The following FAM81B variants were observed in gnomAD, a reference collection of about 807,000 sequenced individuals.
FAM81B encodes family with sequence similarity 81 member B.
Under a neutral mutation model 58.7 loss-of-function variants are expected in FAM81B, and 60 were observed. The ratio of observed to expected loss-of-function variants is 1.02; its 90% CI spans 0.83 to 1.27. The LOEUF is 1.27. Ranked by LOEUF, FAM81B falls within the 50% of genes most tolerant of loss-of-function variation. FAM81B has a pLI of 0.00. For synonymous variants in FAM81B, 189 were observed against 179.6 expected (o/e 1.05, Z -0.42); for missense variants, 491 against 522.0 (o/e 0.94, Z 0.58).
At chr5:95,428,754 T>A in intron 6 of FAM81B, 22 bp downstream of exon 6, 1 of 1,613,444 alleles carries the variant, frequency 6.2e-7, no homozygotes, top group Non-Finnish European at 8.5e-7. Flanking sequence ...TAGATGGGAC[T>A]CATATTACGT....
At chr5:95,415,612 C>G (rs934947121) in intron 4 of FAM81B, among the ~76,000 whole-genome samples, 1 of 152,150 alleles carries the variant, frequency 6.6e-6, no homozygotes, top group South Asian at 2.1e-4. Context: ...TGACAAGAGG[C>G]AAGCAGCCCT....
At chr5:95,428,058 A>G (rs1762895113) in intron 5 of FAM81B, among the ~76,000 whole-genome samples, 1 of 152,238 alleles carries the variant, frequency 6.6e-6, no homozygotes, top group Admixed American at 6.5e-5. Context: ...GAGACCATTC[A>G]AGGAACAGGA....
At chr5:95,400,429 TACATACACAC>T (rs1164985462) in intron 3 of FAM81B, among the ~76,000 whole-genome samples, 10 of 98,032 alleles carry the variant, frequency 1.0e-4, no homozygotes, top group African/African-American at 3.2e-4. Flanking sequence ...CATACATACA[TACATACACAC>T]ACACACACAC....
rs111229089 is a variant in FAM81B at position 95,392,899 on chromosome 5, C to G, written c.228+2C>G. 8.7e-6 allele frequency: 14 copies of G among 1,600,250 alleles called. No individual in the cohort carries two copies. The highest frequency in any genetic ancestry group is 1.2e-5 in the Non-Finnish European group (14 of 1,173,518). On this transcript the variant is annotated splice_donor_variant, in intron 2 of 9. Coordinates refer to ENST00000283357, the MANE Select transcript of FAM81B (RefSeq NM_152548.3). LOFTEE classifies it high-confidence loss of function. ...TCAGACAATAACCAAGAAAAGAAAG[C>G]AAGTACTTTTCAATATTCACATTAA...
chr5:95,424,539 C>G (rs1490782439), intron 5 of FAM81B, among the ~76,000 whole-genome samples: 1 of 151,542 alleles, frequency 6.6e-6, no homozygotes, highest in African/African-American at 2.4e-5. Context: ...AAAAGATTTT[C>G]TCTTTAAAAT....
chr5:95,428,884 G>A, intron 6 of FAM81B, 152 bp downstream of exon 6: 1 of 1,025,646 alleles, frequency 9.7e-7, no homozygotes, highest in Non-Finnish European at 1.4e-6. Flanking sequence ...TATACGCCAT[G>A]GAAACAGTCA....
chr5:95,406,003 CTT>C (rs1762233437), intron 3 of FAM81B: 1 of 153,934 alleles, frequency 6.5e-6, no homozygotes, highest in Non-Finnish European at 1.5e-5. Context: ...CCTAATCTTT[CTT>C]TAGAGGACAC....
chr5:95,393,111 T>C (rs892137711), intron 2 of FAM81B, among the ~76,000 whole-genome samples: 3 of 152,190 alleles, frequency 2.0e-5, no homozygotes, highest in Admixed American at 1.3e-4. Flanking sequence ...TTTTAATATA[T>C]GGGGCTAAAA....
At chr5:95,424,097 C>A in intron 5 of FAM81B, 1 of 1,289,700 alleles carries the variant, frequency 7.8e-7, no homozygotes, top group Non-Finnish European at 1.0e-6. Context: ...GGCTGAAGTG[C>A]GACAGGCTGA....
At chr5:95,394,550 C>T (rs975795885) in intron 2 of FAM81B, among the ~76,000 whole-genome samples, 2 of 152,154 alleles carry the variant, frequency 1.3e-5, no homozygotes, top group Admixed American at 1.3e-4. Context: ...ACACTCTCCA[C>T]GGCAGAAGGC....
At chr5:95,416,469 A>G (rs1762541610) in intron 4 of FAM81B, among the ~76,000 whole-genome samples, 1 of 152,204 alleles carries the variant, frequency 6.6e-6, no homozygotes, top group Admixed American at 6.5e-5. Flanking sequence ...AATTTTATAT[A>G]TAGCATTGTT....
intron 1 of FAM81B, among the ~76,000 whole-genome samples, chr5:95,391,940 G>A (rs1761831085): frequency 6.6e-6 from 1 of 152,150 alleles, no homozygotes; most frequent in Admixed American, 6.5e-5. Flanking sequence ...GGAAGACAGT[G>A]AGGTGATTCC....
intron 3 of FAM81B, among the ~76,000 whole-genome samples, chr5:95,413,318 C>A (rs1250839806): frequency 6.6e-6 from 1 of 152,156 alleles, no homozygotes; most frequent in Non-Finnish European, 1.5e-5. Flanking sequence ...TTCTAGGTAT[C>A]CCTTAATCCA....
intron 3 of FAM81B, among the ~76,000 whole-genome samples, chr5:95,404,833 A>G (rs1458129951): frequency 2.6e-5 from 4 of 152,218 alleles, no homozygotes; most frequent in Admixed American, 6.5e-5. Flanking sequence ...AGTAAATAAG[A>G]TAATTTTAGA....
intron 3 of FAM81B, among the ~76,000 whole-genome samples, chr5:95,409,800 T>C (rs1762360344): frequency 6.6e-6 from 1 of 152,158 alleles, no homozygotes; most frequent in Non-Finnish European, 1.5e-5. Context: ...CAAAAAAACT[T>C]AGCTACAGAT....
chr5:95,392,439 C>T (rs113846880), intron 1 of FAM81B, among the ~76,000 whole-genome samples: 8 of 152,018 alleles, frequency 5.3e-5, no homozygotes, highest in African/African-American at 1.9e-4. Flanking sequence ...CACCATGGCA[C>T]GTGTATACCT....
chr5:95,392,863 C>A lies in FAM81B; in HGVS notation c.194C>A (p.Pro65His). Residue 65 changes from proline to histidine, a missense_variant, in exon 2 of 10, where the codon CCC becomes CAC. Coordinates refer to ENST00000283357, the MANE Select transcript of FAM81B (RefSeq NM_152548.3). ...AEEQPVEPDG[P>H]LPGSDNNQEK... ...GAACAGCCAGTTGAACCTGATGGCCCCCTTCCTGGCTCAGACAATAACCAA... is the reference window on the plus strand; with the variant it reads ...GAACAGCCAGTTGAACCTGATGGCCACCTTCCTGGCTCAGACAATAACCAA... 6.2e-7 allele frequency: 1 copy of A among 1,611,922 alleles called. No homozygotes were observed. The highest frequency in any genetic ancestry group is 2.2e-5 in the East Asian group (1 of 44,826).
chr5:95,418,206 T>C (rs1762585682), intron 4 of FAM81B, among the ~76,000 whole-genome samples: 1 of 152,148 alleles, frequency 6.6e-6, no homozygotes, highest in South Asian at 2.1e-4. Flanking sequence ...CATTAGTCAC[T>C]CAGTAGCCTG....
chr5:95,423,926 G>A lies in FAM81B; in HGVS notation c.656+3524G>A. ...AAATGGAATCAAGCAGCATTACTTA[G>A]AGGCTCGGGTGGGTCATCGGAGAAA... On this transcript the variant is annotated intron_variant, in intron 5 of 9. Transcript: ENST00000283357. The A allele has an allele frequency of 3.1e-6, 3 of 979,606 alleles. No individual in the cohort carries two copies. In the South Asian group the frequency reaches 4.0e-5, roughly 13 times the overall value. The allele number at this position is 979,606 out of a possible 1,614,324, so 60.7% of individuals were successfully genotyped here. A position where few individuals can be genotyped will look rare whatever the true frequency, so the allele number is the denominator to read the frequency against.
Sources: allele counts gnomAD v4.1 joint callset (sites outside exome capture counted in the v4.1 genomes callset), GRCh38; gene constraint gnomAD v4.1.1; transcripts MANE v1.5; gene names NCBI Gene and HGNC (gene_info 2026-07-23, HGNC 2026-07-21).